Variants in ROBO1 observed in about 807,000 individuals in gnomAD.
The protein encoded by ROBO1 is roundabout homolog 1.
ROBO1 carries 149 observed loss-of-function variants against 195.9 expected under a neutral mutation model. The ratio of observed to expected loss-of-function variants is 0.76; its 90% CI spans 0.67 to 0.87. The LOEUF is 0.87. Ranked by LOEUF, ROBO1 falls within the 40% of genes least tolerant of loss-of-function variation. ROBO1 has a pLI of 0.00. For missense variants in ROBO1, 1,933 were observed against 2,068.3 expected (o/e 0.93, Z 1.27); for synonymous variants, 816 against 733.2 (o/e 1.11, Z -1.82).
chr3:79,220,522 C>T (rs1404358229), intron 2 of ROBO1, among the ~76,000 whole-genome samples: 1 of 151,918 alleles, frequency 6.6e-6, no homozygotes, highest in Non-Finnish European at 1.5e-5. Context: ...CCTCATACAG[C>T]ATAAAGAGAT....
In ROBO1 at chr3:78,682,437, ATGAC is replaced by A. The variant is rs554903234; in HGVS notation, c.1342+3305_1342+3308del. Among the ~76,000 whole-genome samples the A allele has an allele frequency of 2.6e-3, 383 of 149,514 alleles. 2 individuals carry two copies. Among genetic ancestry groups the A allele is most frequent in the Middle Eastern group, 0.021 (6 of 280 alleles). ...TACACACAAATATATATATTTTGAT[ATGAC>A]TGTGTGTATATGTATATATATGTAT... is the stretch of plus-strand genomic sequence containing the variant. On this transcript the variant is annotated intron_variant, in intron 10 of 30. Transcript: ENST00000464233.
intron 4 of ROBO1, among the ~76,000 whole-genome samples, chr3:78,836,720 C>T (rs912577661): frequency 1.3e-5 from 2 of 151,978 alleles, no homozygotes; most frequent in African/African-American, 4.8e-5. Flanking sequence ...TAAAGAAAAA[C>T]ATCATAGTCT....
chr3:79,479,690 G>A (rs1938735768), intron 2 of ROBO1, among the ~76,000 whole-genome samples: 1 of 152,098 alleles, frequency 6.6e-6, no homozygotes, highest in Non-Finnish European at 1.5e-5. Context: ...ATTTTTAATG[G>A]ACCTGCAAAT....
chr3:78,715,430 C>G (rs2081877197), intron 7 of ROBO1, among the ~76,000 whole-genome samples: 1 of 152,182 alleles, frequency 6.6e-6, no homozygotes. Flanking sequence ...TCAGTTCAGA[C>G]AGTTTACATC....
At chr3:78,896,319 C>T (rs1240615119) in intron 4 of ROBO1, among the ~76,000 whole-genome samples, 1 of 152,108 alleles carries the variant, frequency 6.6e-6, no homozygotes, top group African/African-American at 2.4e-5. Context: ...GTGACCTGCA[C>T]CTATACATCC....
chr3:78,836,336 C>A (rs2032712054), intron 4 of ROBO1, among the ~76,000 whole-genome samples: 1 of 151,790 alleles, frequency 6.6e-6, no homozygotes, highest in Admixed American at 6.6e-5. Context: ...CACGGTGAAA[C>A]CCCGTCTCCA....
At chr3:79,617,247 C>A (rs1576123858) in intron 1 of ROBO1, among the ~76,000 whole-genome samples, 1 of 152,084 alleles carries the variant, frequency 6.6e-6, no homozygotes, top group African/African-American at 2.4e-5. Flanking sequence ...AGTGAGCCAG[C>A]TCTTAGTTGT....
intron 2 of ROBO1, among the ~76,000 whole-genome samples, chr3:79,405,995 AAAATAGCAATGGTAGTTATTTT>A (rs1559875705): frequency 6.6e-6 from 1 of 152,192 alleles, no homozygotes; most frequent in Non-Finnish European, 1.5e-5. Context: ...CAAAATTGGA[AAAATAGCAATGGTAGTTATTTT>A]TTCATCTTTA....
intron 4 of ROBO1, among the ~76,000 whole-genome samples, chr3:78,863,262 A>G (rs9808917): frequency 0.043 from 6,621 of 152,270 alleles, 430 homozygotes; most frequent in African/African-American, 0.14. Context: ...GGCCACAGGC[A>G]ATTTAGAGAC....
At chr3:79,658,237 G>A (rs4856448) in intron 1 of ROBO1, among the ~76,000 whole-genome samples, 89,220 of 151,874 alleles carry the variant, frequency 0.59, 26,592 homozygotes, top group African/African-American at 0.67. Context: ...CCGTATGTCA[G>A]TGGTGGAATG....
At chr3:79,617,645 A>T (rs1404877228) in intron 1 of ROBO1, among the ~76,000 whole-genome samples, 1 of 152,118 alleles carries the variant, frequency 6.6e-6, no homozygotes, top group African/African-American at 2.4e-5. Context: ...GAACTCTTAC[A>T]GTACAAAAAC....
chr3:78,649,940 A>C (rs1052243352), intron 19 of ROBO1, among the ~76,000 whole-genome samples: 6 of 152,266 alleles, frequency 3.9e-5, no homozygotes, highest in Admixed American at 2.0e-4. Flanking sequence ...TAGACCATTA[A>C]ATTATTATAA....
At chr3:78,753,910 C>T (rs2082861950) in intron 4 of ROBO1, among the ~76,000 whole-genome samples, 1 of 152,098 alleles carries the variant, frequency 6.6e-6, no homozygotes, top group African/African-American at 2.4e-5. Context: ...TTAAAATAAC[C>T]TATAAATGAT....
At chr3:78,844,146 T>C (rs17016556) in intron 4 of ROBO1, among the ~76,000 whole-genome samples, 2,082 of 152,262 alleles carry the variant, frequency 0.014, 48 homozygotes, top group African/African-American at 0.048. Context: ...AGCAGCCACA[T>C]TTTAAAATTT....
At chr3:79,290,220 G>C (rs2032158615) in intron 2 of ROBO1, among the ~76,000 whole-genome samples, 1 of 151,974 alleles carries the variant, frequency 6.6e-6, no homozygotes, top group Non-Finnish European at 1.5e-5. Context: ...TTTTAGTAGA[G>C]ACAGGGTTTC....
At chr3:78,845,746 C>T (rs949361364) in intron 4 of ROBO1, among the ~76,000 whole-genome samples, 21 of 152,270 alleles carry the variant, frequency 1.4e-4, no homozygotes, top group Admixed American at 9.8e-4. Flanking sequence ...GGTAGCATGT[C>T]TACCTGTTTT....
At chr3:79,638,800 T>G (rs929853015) in intron 1 of ROBO1, among the ~76,000 whole-genome samples, 1 of 152,186 alleles carries the variant, frequency 6.6e-6, no homozygotes, top group African/African-American at 2.4e-5. Flanking sequence ...AAAAAGGTGC[T>G]TTTTGGTTCA....
chr3:79,016,207 T>G (rs1443716504), intron 3 of ROBO1, among the ~76,000 whole-genome samples: 1 of 152,184 alleles, frequency 6.6e-6, no homozygotes, highest in Non-Finnish European at 1.5e-5. Context: ...AACTGAACAC[T>G]GTCATGAAAT....
rs1214242019 is a variant in ROBO1 at position 79,107,123 on chromosome 3, T to TCA, written c.172+18332_172+18333insTG. On this transcript the variant is annotated intron_variant, in intron 3 of 30. Coordinates refer to ENST00000464233, the MANE Select transcript of ROBO1 (RefSeq NM_002941.4). ...CTCTCTCTTTCTCTCTCTCTCTCTC[T>TCA]CTCTCACACACACACACACACACAC... 1.8e-4 allele frequency among the ~76,000 whole-genome samples: 25 copies of TCA among 140,148 alleles called. No homozygotes were observed. The South Asian group carries it at 2.6e-3, about 14-fold the overall frequency. The allele number at this position is 140,148 out of a possible 152,430, so 91.9% of individuals were successfully genotyped here. A position where few individuals can be genotyped will look rare whatever the true frequency, so the allele number is the denominator to read the frequency against.
Sources: allele counts gnomAD v4.1 joint callset (sites outside exome capture counted in the v4.1 genomes callset), GRCh38; gene constraint gnomAD v4.1.1; transcripts MANE v1.5; gene names NCBI Gene and HGNC (gene_info 2026-07-23, HGNC 2026-07-21).